The following RBM46 variants were observed in gnomAD, a reference collection of about 807,000 sequenced individuals.
RBM46 encodes the protein RNA binding motif protein 46.
RBM46 carries 12 observed loss-of-function variants against 43.3 expected under a neutral mutation model. The observed-to-expected ratio is 0.28, with a 90% confidence interval of 0.18 to 0.45. The LOEUF is 0.45. Among genes scored for constraint, RBM46 ranks in the 20% least tolerant of loss-of-function variants. The probability of loss-of-function intolerance (pLI) is 1.00; values close to 1 mark genes in which losing one functional copy is unlikely to be tolerated. For missense variants in RBM46, 412 were observed against 639.1 expected, an observed-to-expected ratio of 0.64 and a Z score of 3.83; for synonymous variants, 205 against 207.6, an observed-to-expected ratio of 0.99 and a Z score of 0.11.
At position 154,798,070 on chromosome 4, in the gene RBM46, C is replaced by T. The variant is rs778734769; in HGVS notation, c.411C>T (p.Ser137=). The change falls in exon 3 of 5, where the codon AGC becomes AGT. Residue 137 remains serine (S), a synonymous_variant. Coordinates refer to ENST00000281722, the MANE Select transcript of RBM46 (RefSeq NM_144979.5). ...RPGKFIGVCV[S]LDNCRLFIGA... ...GGAAGTTTATTGGTGTGTGTGTAAG[C>T]CTGGATAATTGTAGATTATTTATTG... is the stretch of plus-strand genomic sequence containing the variant. 6.2e-7 allele frequency: 1 copy of T among 1,613,606 alleles called. No individual in the cohort carries two copies. The highest frequency in any genetic ancestry group is 1.7e-5 in the Admixed American group (1 of 59,984).
chr4:154,803,954 C>G (rs907414428), intron 4 of RBM46, among the ~76,000 whole-genome samples: 1 of 152,046 alleles, frequency 6.6e-6, no homozygotes, highest in Non-Finnish European at 1.5e-5. Context: ...GTGCTGTCTT[C>G]GCAATGGTGA....
At chr4:154,798,650 G>T in intron 3 of RBM46, 132 bp from the exon 4 acceptor site, 1 of 686,146 alleles carries the variant, frequency 1.5e-6, no homozygotes, top group Non-Finnish European at 2.2e-6. Context: ...GTGTGAATAG[G>T]AAACAAATGC....
intron 4 of RBM46, among the ~76,000 whole-genome samples, chr4:154,823,052 A>G (rs1157491933): frequency 2.0e-5 from 3 of 151,878 alleles, no homozygotes; most frequent in East Asian, 1.9e-4. Context: ...GAATGGATAA[A>G]CAATGTGTAA....
intron 4 of RBM46, among the ~76,000 whole-genome samples, chr4:154,810,112 G>C (rs1010325901): frequency 6.6e-6 from 1 of 151,822 alleles, no homozygotes; most frequent in African/African-American, 2.4e-5. Context: ...AATTATGTAA[G>C]GCATACACAT....
At position 154,828,452 on chromosome 4, in the gene RBM46, T is replaced by G. The variant is rs1308342872; in HGVS notation, c.*385T>G. ...TTGAAGACAATGGTTATAGTAGATT[T>G]GATTACCAAGGATCACTATCTGTAC... On this transcript the variant is annotated 3_prime_UTR_variant, in exon 5 of 5. Transcript: ENST00000281722. 9.8e-6 allele frequency: 2 copies of G among 205,060 alleles called. No individual in the cohort carries two copies. Among genetic ancestry groups the G allele is most frequent in the African/African-American group, 2.4e-5 (1 of 41,870 alleles). 12.7% of individuals were successfully genotyped at this position (205,060 alleles called of 1,614,324 possible). A position where few individuals can be genotyped will look rare whatever the true frequency, so the allele number is the denominator to read the frequency against.
intron 4 of RBM46, among the ~76,000 whole-genome samples, chr4:154,817,859 G>T (rs1398451986): frequency 3.3e-5 from 5 of 150,534 alleles, no homozygotes; most frequent in African/African-American, 1.2e-4. Flanking sequence ...TGTTTATTTT[G>T]ACTTTCTTTT....
chr4:154,796,284 A>G (rs1001547524), intron 1 of RBM46, among the ~76,000 whole-genome samples: 1 of 152,192 alleles, frequency 6.6e-6, no homozygotes, highest in Non-Finnish European at 1.5e-5. Context: ...AAGAGAGGAA[A>G]TATGTTTGTT....
intron 1 of RBM46, among the ~76,000 whole-genome samples, chr4:154,789,031 C>G (rs1278455605): frequency 6.6e-6 from 1 of 152,094 alleles, no homozygotes; most frequent in East Asian, 1.9e-4. Flanking sequence ...CTTTTGTATC[C>G]TGAGACTTTG....
intron 2 of RBM46, among the ~76,000 whole-genome samples, chr4:154,797,443 A>G (rs1408658564): frequency 6.6e-6 from 1 of 152,128 alleles, no homozygotes; most frequent in African/African-American, 2.4e-5. Context: ...AGGCTTCCAT[A>G]ATCTATGTTG....
chr4:154,818,056 T>C (rs2111200601), intron 4 of RBM46, among the ~76,000 whole-genome samples: 1 of 151,762 alleles, frequency 6.6e-6, no homozygotes, highest in Non-Finnish European at 1.5e-5. Context: ...CATTGGTACT[T>C]ATATATATAT....
In RBM46 at chr4:154,787,770, C is replaced by G. The variant is rs1384477895; in HGVS notation, c.-12+6334C>G. Among the ~76,000 whole-genome samples, 4 of 152,200 alleles carry G rather than the reference C, an allele frequency of 2.6e-5. No individual in the cohort carries two copies. In the East Asian group the frequency reaches 7.7e-4, roughly 29 times the overall value. On this transcript the variant is annotated intron_variant, in intron 1 of 4. Coordinates refer to ENST00000281722, the MANE Select transcript of RBM46 (RefSeq NM_144979.5). ...TGAGGAATCACCACACTGTCTTCCA[C>G]AATGGTTGAACTAGTTTACAGTTCC...
intron 4 of RBM46, among the ~76,000 whole-genome samples, chr4:154,804,814 G>GTTT (rs575968520): frequency 4.2e-4 from 47 of 113,086 alleles, no homozygotes; most frequent in South Asian, 6.2e-4. Context: ...GATTAAGGTT[G>GTTT]TTTTTTTTTT....
intron 1 of RBM46, chr4:154,781,760 T>TC (rs924804513): frequency 1.3e-5 from 2 of 152,982 alleles, no homozygotes; most frequent in Non-Finnish European, 2.9e-5. Flanking sequence ...ATTTCCGCTC[T>TC]CCCCCGCTGC....
intron 4 of RBM46, among the ~76,000 whole-genome samples, chr4:154,822,269 CTT>C (rs755116693): frequency 6.6e-6 from 1 of 151,702 alleles, no homozygotes; most frequent in Non-Finnish European, 1.5e-5. Context: ...CTTCCATTCT[CTT>C]TCTCAGGCAG....
Position 154,819,634 on chromosome 4 carries a change from T to G in RBM46, c.1403-8234T>G, listed in dbSNP as rs758372618. On this transcript the variant is annotated intron_variant, in intron 4 of 4. Transcript: ENST00000281722. The stretch of plus-strand genomic sequence containing the variant: ...CATGTAAAAACAGAAGATATTGTGA[T>G]TATTTTTATACTGAATTATAATCTT... Among the ~76,000 whole-genome samples the G allele has an allele frequency of 2.6e-5, 4 of 152,218 alleles. 1 individual carries two copies. In the East Asian group the frequency reaches 7.7e-4, roughly 29 times the overall value.
intron 4 of RBM46, among the ~76,000 whole-genome samples, chr4:154,803,755 T>C (rs1202506090): frequency 6.6e-6 from 1 of 150,594 alleles, no homozygotes; most frequent in Non-Finnish European, 1.5e-5. Flanking sequence ...TACTGGGTTA[T>C]TTTTAGGGAT....
chr4:154,809,153 T>A (rs568307243), intron 4 of RBM46, among the ~76,000 whole-genome samples: 12 of 152,206 alleles, frequency 7.9e-5, no homozygotes, highest in African/African-American at 2.6e-4. Context: ...GTTCTAAAAC[T>A]CACTTTTATT....
chr4:154,787,681 T>A (rs1013497064), intron 1 of RBM46, among the ~76,000 whole-genome samples: 2 of 152,196 alleles, frequency 1.3e-5, no homozygotes, highest in Admixed American at 1.3e-4. Context: ...TGATTTATAA[T>A]CCTTTGGGTA....
Position 154,828,584 on chromosome 4 carries a change from G to A in RBM46, c.*517G>A, listed in dbSNP as rs1003229684. The A allele has an allele frequency of 6.5e-6, 1 of 152,696 alleles. No homozygotes were observed. Among genetic ancestry groups the A allele is most frequent in the African/African-American group, 2.4e-5 (1 of 41,406 alleles). The allele number at this position is 152,696 out of a possible 1,614,324, so 9.5% of individuals were successfully genotyped here. A position where few individuals can be genotyped will look rare whatever the true frequency, so the allele number is the denominator to read the frequency against. On this transcript the variant is annotated 3_prime_UTR_variant, in exon 5 of 5. Transcript: ENST00000281722. Reference sequence around the variant, plus strand: ...AATTTTGTGCAGTACTAAAGAAAAAGCAGTCTACCATTGTGGTCCTTGAAA... The same window carrying A: ...AATTTTGTGCAGTACTAAAGAAAAAACAGTCTACCATTGTGGTCCTTGAAA...
Sources: allele counts gnomAD v4.1 joint callset (sites outside exome capture counted in the v4.1 genomes callset), GRCh38; gene constraint gnomAD v4.1.1; transcripts MANE v1.5; gene names NCBI Gene and HGNC (gene_info 2026-07-23, HGNC 2026-07-21).